The following MYRIP variants were observed in gnomAD, a reference collection of about 807,000 sequenced individuals.
The protein encoded by MYRIP is myosin VIIA and Rab interacting protein.
A neutral mutation model predicts 98.0 loss-of-function variants in MYRIP; 49 were observed. The ratio of observed to expected loss-of-function variants is 0.50; its 90% confidence interval spans 0.40 to 0.63. The LOEUF (loss-of-function observed/expected upper bound fraction) is 0.63, where lower values mean the gene tolerates loss of function less well. MYRIP is among the 30% of genes least tolerant of loss of function. The pLI, the probability that MYRIP is intolerant of heterozygous loss-of-function variation, is 0.00. For synonymous variants in MYRIP, 404 were observed against 409.5 expected (o/e 0.99, Z 0.16); for missense variants, 1,004 against 1,058.2 (o/e 0.95, Z 0.71).
chr3:39,899,368 C>G (rs1320691785), intron 1 of MYRIP, among the ~76,000 whole-genome samples: 1 of 152,084 alleles, frequency 6.6e-6, no homozygotes, highest in Non-Finnish European at 1.5e-5. Flanking sequence ...TTTTTTAAAT[C>G]ATTCCTCCTA....
chr3:40,188,911 A>G (rs1027079189), intron 9 of MYRIP, among the ~76,000 whole-genome samples: 8 of 152,172 alleles, frequency 5.3e-5, no homozygotes, highest in Non-Finnish European at 1.2e-4. Context: ...GCATTTTCCT[A>G]TTCACCTTAA....
chr3:40,228,264 T>G (rs1336275690), intron 11 of MYRIP, among the ~76,000 whole-genome samples: 5 of 152,242 alleles, frequency 3.3e-5, no homozygotes, highest in Non-Finnish European at 7.3e-5. Flanking sequence ...CAGGCACTTG[T>G]GCATTTATGG....
intron 3 of MYRIP, among the ~76,000 whole-genome samples, chr3:40,057,042 A>G (rs932152086): frequency 2.6e-5 from 4 of 152,188 alleles, no homozygotes; most frequent in African/African-American, 9.6e-5. Context: ...TGTGATAGTA[A>G]CAGTGTTGCC....
intron 1 of MYRIP, among the ~76,000 whole-genome samples, chr3:39,868,111 T>G (rs904615260): frequency 6.6e-6 from 1 of 152,186 alleles, no homozygotes; most frequent in Non-Finnish European, 1.5e-5. Context: ...AAGTACCATA[T>G]ACTTTTGGGC....
intron 1 of MYRIP, among the ~76,000 whole-genome samples, chr3:39,852,756 T>C (rs756434269): frequency 6.6e-6 from 1 of 151,188 alleles, no homozygotes; most frequent in Non-Finnish European, 1.5e-5. Context: ...TCTTCTCTTC[T>C]GTTCTCCTCT....
At chr3:40,216,163 C>T (rs1281320610) in intron 11 of MYRIP, among the ~76,000 whole-genome samples, 1 of 152,128 alleles carries the variant, frequency 6.6e-6, no homozygotes, top group Non-Finnish European at 1.5e-5. Flanking sequence ...AAAATGCAGG[C>T]ATTACCTGGA....
chr3:40,077,318 T>A (rs1485743916), intron 3 of MYRIP, among the ~76,000 whole-genome samples: 1 of 152,202 alleles, frequency 6.6e-6, no homozygotes, highest in East Asian at 1.9e-4. Context: ...CCTGCTTTTA[T>A]TCTCTTATCT....
rs531299339 is a variant in MYRIP, at chr3:40,177,265, G to T, written c.874-4955G>T. ...TGCTTTAAGGGTCTTGATGCAAGGGGTCTGGAGTGGAGCCAGGGCTTCCAT... is the reference window on the plus strand; with the variant it reads ...TGCTTTAAGGGTCTTGATGCAAGGGTTCTGGAGTGGAGCCAGGGCTTCCAT... On this transcript the variant is annotated intron_variant, in intron 8 of 16. Transcript: ENST00000302541. Among the ~76,000 whole-genome samples the T allele has an allele frequency of 2.5e-4, 38 of 152,262 alleles. 1 individual carries two copies. The East Asian group carries it at 5.8e-3, about 23-fold the overall frequency.
At position 40,182,333 on chromosome 3, in the gene MYRIP, T is replaced by C. The variant is rs1187287256; in HGVS notation, c.987T>C (p.Ala329=). Residue 329 remains alanine, a synonymous_variant, in exon 9 of 17, where the codon GCT becomes GCC. Transcript: ENST00000302541. ...GCCAACACCCGAGAGCAGAGTCTGC[T>C]CTGCCCAGCTGGAAGAGTGTGGACA... ...DQGQHPRAES[A]LPSWKSVDRL... is the part of the protein sequence containing the mutation. 5 of 1,613,638 alleles carry C rather than the reference T, an allele frequency of 3.1e-6. No individual in the cohort carries two copies. In the African/African-American group the frequency reaches 6.7e-5, roughly 22 times the overall value.
intron 10 of MYRIP, among the ~76,000 whole-genome samples, chr3:40,198,521 CT>C (rs2125642621): frequency 6.6e-6 from 1 of 152,266 alleles, no homozygotes; most frequent in Non-Finnish European, 1.5e-5. Context: ...CTTCGATTGC[CT>C]TTTAGTGTTG....
intron 3 of MYRIP, among the ~76,000 whole-genome samples, chr3:40,053,044 A>T (rs1033179406): frequency 6.6e-6 from 1 of 152,158 alleles, no homozygotes; most frequent in Non-Finnish European, 1.5e-5. Flanking sequence ...TTTTCCATTT[A>T]GTTTCCAAGT....
chr3:39,878,900 C>CA (rs140566973), intron 1 of MYRIP, among the ~76,000 whole-genome samples: 1,633 of 123,912 alleles, frequency 0.013, 15 homozygotes, highest in African/African-American at 0.033. Context: ...ACTAAAAATA[C>CA]AAAAAAAAAA....
At chr3:39,871,748 A>G (rs1251210927) in intron 1 of MYRIP, among the ~76,000 whole-genome samples, 1 of 152,020 alleles carries the variant, frequency 6.6e-6, no homozygotes, top group African/African-American at 2.4e-5. Context: ...TCTAATGGAG[A>G]TAGTGTTTTC....
chr3:40,256,957 C>T (rs566523517), intron 16 of MYRIP, among the ~76,000 whole-genome samples: 34 of 152,286 alleles, frequency 2.2e-4, no homozygotes, highest in African/African-American at 7.9e-4. Context: ...AAAATCGTTA[C>T]ACCAGTTGTA....
At position 39,939,584 on chromosome 3, in the gene MYRIP, T is replaced by G. The variant is rs572748364; in HGVS notation, c.110+38658T>G. Reference sequence around the variant, plus strand: ...GATAGTGGGTGGGATTTGCAGAATTTTTGTATCTGCAGAATTTTTGCAAAG... The same window carrying G: ...GATAGTGGGTGGGATTTGCAGAATTGTTGTATCTGCAGAATTTTTGCAAAG... On this transcript the variant is annotated intron_variant, in intron 2 of 16. Transcript: ENST00000302541. 3.3e-5 allele frequency among the ~76,000 whole-genome samples: 5 copies of G among 152,258 alleles called. No individual in the cohort carries two copies. The East Asian group carries it at 9.7e-4, about 29-fold the overall frequency.
chr3:40,119,710 T>C (rs1949358031), intron 3 of MYRIP, among the ~76,000 whole-genome samples: 2 of 151,912 alleles, frequency 1.3e-5, no homozygotes, highest in African/African-American at 4.8e-5. Context: ...TAGGTGGGAA[T>C]TGAACAATGA....
chr3:40,176,014 A>G (rs893541944), intron 8 of MYRIP, among the ~76,000 whole-genome samples: 16 of 152,256 alleles, frequency 1.1e-4, no homozygotes, highest in Non-Finnish European at 2.2e-4. Context: ...TGTACATCAC[A>G]TGTGATTTCT....
chr3:39,967,099 T>C (rs1419990093), intron 2 of MYRIP, among the ~76,000 whole-genome samples: 1 of 152,212 alleles, frequency 6.6e-6, no homozygotes, highest in East Asian at 1.9e-4. Context: ...TATGTAAATG[T>C]AAATTACTCT....
chr3:40,076,947 A>G (rs1948356299), intron 3 of MYRIP, among the ~76,000 whole-genome samples: 1 of 152,170 alleles, frequency 6.6e-6, no homozygotes, highest in South Asian at 2.1e-4. Context: ...ACCCTTTTTC[A>G]TTGCATATGA....
Sources: gnomAD v4.1 joint callset for allele counts (sites outside exome capture counted in the v4.1 genomes callset) on GRCh38, gnomAD v4.1.1 for gene constraint, MANE v1.5 for transcripts, NCBI Gene and HGNC (gene_info 2026-07-23, HGNC 2026-07-21) for gene names.